The following CRACD variants were observed in gnomAD, a reference collection of about 807,000 sequenced individuals.
CRACD encodes capping protein-inhibiting regulator of actin dynamics.
A neutral mutation model predicts 106.8 loss-of-function variants in CRACD; 56 were observed. The observed-to-expected ratio is 0.52, with a 90% CI of 0.42 to 0.66. CRACD has a LOEUF of 0.66. CRACD is among the 30% of genes least tolerant of loss of function. The pLI, the probability that CRACD is intolerant of heterozygous loss-of-function variation, is 0.00. For synonymous variants in CRACD, 754 were observed against 670.8 expected, an observed-to-expected ratio of 1.12 and a Z score of -1.92; for missense variants, 1,730 against 1,623.2, an observed-to-expected ratio of 1.07 and a Z score of -1.13.
intron 2 of CRACD, among the ~76,000 whole-genome samples, chr4:56,258,089 A>C (rs555332199): frequency 1.3e-5 from 2 of 152,154 alleles, no homozygotes; most frequent in African/African-American, 4.8e-5. Flanking sequence ...ACAAAAAAAA[A>C]AAAGAAAAAA....
At position 56,314,423 on chromosome 4, in the gene CRACD, G is replaced by T; in HGVS notation, c.921G>T (p.Glu307Asp). The T allele has an allele frequency of 6.5e-7, 1 of 1,543,534 alleles. No individual in the cohort carries two copies. The highest frequency in any genetic ancestry group is 2.3e-4 in the Middle Eastern group (1 of 4,350). Residue 307 changes from glutamate to aspartate, a missense_variant, in exon 8 of 11, where the codon GAG becomes GAT. Glu to Asp is a conservative substitution (Grantham distance 45). This residue lies in a region of CRACD where 1,620 missense variants were observed against 1,481.6 expected (regional missense o/e 1.09). Transcript: ENST00000682029. The surrounding 1 kb of genome is among the most constrained non-coding windows in gnomAD (Gnocchi z 4.4). ...GTTGGGAGGACGCGGAGCGGAGGGAGCGTGAGGAGCGCGAGCGCCTGGAGG... is the reference window on the plus strand; with the variant it reads ...GTTGGGAGGACGCGGAGCGGAGGGATCGTGAGGAGCGCGAGCGCCTGGAGG... ...APGWEDAERR[E>D]REERERLEAE...
intron 2 of CRACD, among the ~76,000 whole-genome samples, chr4:56,220,951 G>C (rs558090541): frequency 6.6e-6 from 1 of 152,084 alleles, no homozygotes; most frequent in South Asian, 2.1e-4. Context: ...GTGAAAAGAA[G>C]GTCCAGGTAG....
At chr4:56,100,251 G>C (rs376229418) in intron 1 of CRACD, among the ~76,000 whole-genome samples, 9 of 152,020 alleles carry the variant, frequency 5.9e-5, no homozygotes, top group East Asian at 3.9e-4. Context: ...TTGCGGGGAC[G>C]GGGGGGAAGG....
chr4:56,161,383 A>C (rs1275400239), intron 1 of CRACD, among the ~76,000 whole-genome samples: 1 of 151,996 alleles, frequency 6.6e-6, no homozygotes, highest in Admixed American at 6.6e-5. Flanking sequence ...CTTGAGAATG[A>C]TTTTTTTTAC....
chr4:56,104,719 G>A (rs1391989328), intron 1 of CRACD, among the ~76,000 whole-genome samples: 1 of 152,150 alleles, frequency 6.6e-6, no homozygotes, highest in African/African-American at 2.4e-5. Flanking sequence ...TGTAATCCCA[G>A]CACTTTGGGA....
chr4:56,153,252 C>T (rs777179858), intron 1 of CRACD, among the ~76,000 whole-genome samples: 1 of 152,184 alleles, frequency 6.6e-6, no homozygotes, highest in Admixed American at 6.5e-5. Flanking sequence ...GCACTCCAGC[C>T]TGGGCGACAG....
intron 2 of CRACD, among the ~76,000 whole-genome samples, chr4:56,199,695 AAAAG>A (rs1230519659): frequency 8.6e-6 from 1 of 115,796 alleles, no homozygotes; most frequent in African/African-American, 3.7e-5. Context: ...AAAAAAAAAG[AAAAG>A]AAAAAAAAAG....
At chr4:56,203,647 C>T (rs759289780) in intron 2 of CRACD, among the ~76,000 whole-genome samples, 1 of 152,184 alleles carries the variant, frequency 6.6e-6, no homozygotes, top group Non-Finnish European at 1.5e-5. Flanking sequence ...CCAGGAAAGG[C>T]TACATAATTT....
intron 2 of CRACD, among the ~76,000 whole-genome samples, chr4:56,237,045 A>T (rs1040663996): frequency 6.6e-6 from 1 of 152,180 alleles, no homozygotes; most frequent in Non-Finnish European, 1.5e-5. Flanking sequence ...TTTGGAATTT[A>T]TGCTATAGAA....
At chr4:56,192,476 A>G (rs1737422776) in intron 2 of CRACD, among the ~76,000 whole-genome samples, 1 of 152,204 alleles carries the variant, frequency 6.6e-6, no homozygotes, top group South Asian at 2.1e-4. Context: ...GATTTCAGCA[A>G]CATATATCTA....
At chr4:56,057,141 A>G (rs1182571338) in intron 1 of CRACD, among the ~76,000 whole-genome samples, 1 of 152,178 alleles carries the variant, frequency 6.6e-6, no homozygotes, top group African/African-American at 2.4e-5. Context: ...TGTGGCTTGC[A>G]TTATGTTTCT....
At chr4:56,204,862 TAA>T (rs1369497022) in intron 2 of CRACD, among the ~76,000 whole-genome samples, 2 of 152,050 alleles carry the variant, frequency 1.3e-5, no homozygotes, top group Admixed American at 1.3e-4. Flanking sequence ...ATTCTGACAT[TAA>T]AAATTAAAAA....
chr4:56,087,125 GCCT>G lies in CRACD; in HGVS notation c.-336+37828_-336+37830del, dbSNP rs1170460813. Among the ~76,000 whole-genome samples, 3 of 152,154 alleles carry G rather than the reference GCCT, an allele frequency of 2.0e-5. No homozygotes were observed. The East Asian group carries it at 5.8e-4, about 29-fold the overall frequency. Reference sequence around the variant, plus strand: ...CTCCCGGGTTTAAGCAACTCTCCCTGCCTCAGCCTCTGGAGTAGCTGGGATTAC... The same window carrying G: ...CTCCCGGGTTTAAGCAACTCTCCCTGCAGCCTCTGGAGTAGCTGGGATTAC... On this transcript the variant is annotated intron_variant, in intron 1 of 10. Coordinates refer to ENST00000682029, the MANE Select transcript of CRACD (RefSeq NM_001393381.1).
Position 56,057,651 on chromosome 4 carries a change from C to T in CRACD, c.-336+8352C>T, listed in dbSNP as rs190409103. On this transcript the variant is annotated intron_variant, in intron 1 of 10. Transcript: ENST00000682029. ...TTTTTTTTTTTTTTTTTTTGGGAGA[C>T]GGAGTCTCTGTCATTCAGGCTAGAG... Among the ~76,000 whole-genome samples the T allele has an allele frequency of 4.7e-3, 582 of 123,536 alleles. 4 individuals are homozygous for T. Among genetic ancestry groups the T allele is most frequent in the African/African-American group, 0.018 (544 of 29,506 alleles). 81.0% of individuals were successfully genotyped at this position (123,536 alleles called of 152,430 possible).
chr4:56,092,385 A>G (rs574653748), intron 1 of CRACD, among the ~76,000 whole-genome samples: 33 of 152,332 alleles, frequency 2.2e-4, no homozygotes, highest in African/African-American at 7.7e-4. Context: ...TCCCAGTACC[A>G]GTGGCTGTTA....
chr4:56,304,101 C>T (rs2109737502), intron 4 of CRACD, among the ~76,000 whole-genome samples: 1 of 152,196 alleles, frequency 6.6e-6, no homozygotes, highest in African/African-American at 2.4e-5. Flanking sequence ...CCTCTTCTCC[C>T]TCTGCCCTCC....
intron 1 of CRACD, among the ~76,000 whole-genome samples, chr4:56,081,490 A>G (rs552729875): frequency 2.0e-5 from 3 of 152,362 alleles, no homozygotes; most frequent in East Asian, 1.9e-4. Flanking sequence ...TATGAGCTAT[A>G]TAAGAGTTGT....
At chr4:56,272,547 G>A (rs1012860853) in intron 3 of CRACD, 55 bp downstream of exon 3, 1 of 152,488 alleles carries the variant, frequency 6.6e-6, no homozygotes, top group African/African-American at 2.4e-5. Context: ...GGTGGGGAAT[G>A]GGATCCCAAA....
chr4:56,169,782 C>T (rs373795870), intron 1 of CRACD, among the ~76,000 whole-genome samples: 6 of 152,056 alleles, frequency 3.9e-5, no homozygotes, highest in Admixed American at 6.5e-5. Context: ...ACAGGCACCA[C>T]GACTGGCCCG....
Sources: gnomAD v4.1 joint callset for allele counts (sites outside exome capture counted in the v4.1 genomes callset) on GRCh38, gnomAD v4.1.1 for gene constraint, gnomAD v4.1.1 regional missense constraint, Gnocchi (gnomAD v3.1) non-coding constraint, MANE v1.5 for transcripts, NCBI Gene and HGNC (gene_info 2026-07-23, HGNC 2026-07-21) for gene names.